The following CAST variants were observed in gnomAD, a reference collection of about 807,000 sequenced individuals.
CAST encodes the protein calpastatin.
Under a neutral mutation model 119.6 loss-of-function variants are expected in CAST, and 76 were observed. That is an observed-to-expected ratio of 0.64 (90% CI 0.53 to 0.77). The LOEUF (loss-of-function observed/expected upper bound fraction) is 0.77. Ranked by LOEUF, CAST falls within the 30% of genes least tolerant of loss-of-function variation. The probability of loss-of-function intolerance (pLI) is 0.00; values close to 1 mark genes in which losing one functional copy is unlikely to be tolerated. For missense variants in CAST, 953 were observed against 946.5 expected (o/e 1.01, Z -0.09); for synonymous variants, 319 against 331.6 (o/e 0.96, Z 0.41).
At chr5:96,570,148 C>T (rs1387643724) in intron 1 of CAST, among the ~76,000 whole-genome samples, 1 of 152,238 alleles carries the variant, frequency 6.6e-6, no homozygotes, top group Non-Finnish European at 1.5e-5. Flanking sequence ...GTCTGCCTAA[C>T]ATGACAATAA....
chr5:96,276,865 C>T, the CAST span, among the ~76,000 whole-genome samples: 1 of 152,022 alleles, frequency 6.6e-6, no homozygotes, highest in Non-Finnish European at 1.5e-5. Context: ...GGTTTTCATG[C>T]TTTTGTTCTA....
the CAST span, among the ~76,000 whole-genome samples, chr5:96,257,735 A>C: frequency 2.6e-5 from 4 of 152,242 alleles, no homozygotes; most frequent in Non-Finnish European, 5.9e-5. Flanking sequence ...GAACTAAGTG[A>C]TAACACTGCT....
chr5:96,128,389 G>T, the CAST span, among the ~76,000 whole-genome samples: 532 of 152,128 alleles, frequency 3.5e-3, 2 homozygotes, highest in African/African-American at 4.5e-3. Flanking sequence ...TGCACAGTTA[G>T]GTTTTGCTTA....
At chr5:96,494,307 G>A in the CAST span, among the ~76,000 whole-genome samples, 3 of 152,148 alleles carry the variant, frequency 2.0e-5, no homozygotes, top group Non-Finnish European at 4.4e-5. Context: ...AACTTTAAAA[G>A]AGCCAGAATT....
At chr5:96,138,513 C>T in the CAST span, among the ~76,000 whole-genome samples, 1 of 151,892 alleles carries the variant, frequency 6.6e-6, no homozygotes, top group African/African-American at 2.4e-5. Flanking sequence ...AGACGAAATA[C>T]CTTGCTGGGA....
chr5:96,267,834 C>T, the CAST span, among the ~76,000 whole-genome samples: 2 of 152,068 alleles, frequency 1.3e-5, no homozygotes, highest in Non-Finnish European at 2.9e-5. Context: ...TAGTATGAAG[C>T]ATAAAAGATA....
chr5:96,533,034 A>T (rs907610539), intron 1 of CAST, among the ~76,000 whole-genome samples: 7 of 128,818 alleles, frequency 5.4e-5, no homozygotes, highest in African/African-American at 1.4e-4. Context: ...CAAAAAAAAA[A>T]AAATAAAAAT....
At chr5:96,482,077 GC>G in the CAST span, among the ~76,000 whole-genome samples, 1 of 152,036 alleles carries the variant, frequency 6.6e-6, no homozygotes, top group South Asian at 2.1e-4. Flanking sequence ...TAGCTGGCTG[GC>G]CACCCTTATG....
At chr5:96,712,038 C>T (rs1756272499) in intron 3 of CAST, among the ~76,000 whole-genome samples, 1 of 152,140 alleles carries the variant, frequency 6.6e-6, no homozygotes, top group Non-Finnish European at 1.5e-5. Context: ...GACACCCTTA[C>T]CCTATAGGAA....
At position 96,774,411 on chromosome 5, in the gene CAST, A is replaced by C. The variant is rs748061491; in HGVS notation, c.*1795A>C. ...GTGTTTGTTAATAACTAATAACTGGAGTAAGCTACAGGATCTAAAGCAGCC... is the reference window on the plus strand; with the variant it reads ...GTGTTTGTTAATAACTAATAACTGGCGTAAGCTACAGGATCTAAAGCAGCC... On this transcript the variant is annotated 3_prime_UTR_variant, in exon 32 of 32. Coordinates refer to ENST00000675179, the MANE Select transcript of CAST (RefSeq NM_001750.7). The C allele has an allele frequency of 3.4e-6, 2 of 582,996 alleles. No homozygotes were observed. Among genetic ancestry groups the C allele is most frequent in the Non-Finnish European group, 4.3e-6 (2 of 460,322 alleles). 36.1% of individuals were successfully genotyped at this position (582,996 alleles called of 1,614,324 possible).
the CAST span, among the ~76,000 whole-genome samples, chr5:96,193,071 C>T: frequency 6.6e-6 from 1 of 151,922 alleles, no homozygotes; most frequent in Non-Finnish European, 1.5e-5. Context: ...TTAATACATG[C>T]GTTTAATCAG....
chr5:96,395,476 G>A, the CAST span, among the ~76,000 whole-genome samples: 1 of 152,192 alleles, frequency 6.6e-6, no homozygotes, highest in East Asian at 1.9e-4. Flanking sequence ...AAAAGAGTGA[G>A]TTCATGTCCT....
At chr5:96,658,646 A>C (rs1409895042), upstream of CAST, among the ~76,000 whole-genome samples, 1 of 152,258 alleles carries the variant, frequency 6.6e-6, no homozygotes, top group African/African-American at 2.4e-5. Flanking sequence ...ATGCAATTTA[A>C]TAATTGCAAC....
the CAST span, among the ~76,000 whole-genome samples, chr5:96,492,388 A>G: frequency 6.6e-6 from 1 of 152,192 alleles, no homozygotes; most frequent in Non-Finnish European, 1.5e-5. Flanking sequence ...CTAGTTTTGT[A>G]TGTTTTACAT....
At chr5:96,700,521 G>A (rs1302279634) in intron 3 of CAST, among the ~76,000 whole-genome samples, 2 of 152,174 alleles carry the variant, frequency 1.3e-5, no homozygotes, top group Non-Finnish European at 2.9e-5. Context: ...AGGAAGTCCA[G>A]GATGAGGCTG....
At chr5:96,310,769 T>G in the CAST span, among the ~76,000 whole-genome samples, 1 of 151,666 alleles carries the variant, frequency 6.6e-6, no homozygotes, top group South Asian at 2.1e-4. Context: ...AGTCATAATA[T>G]CTCCTCTTTC....
chr5:96,620,195 G>A (rs987913580), intron 1 of CAST, among the ~76,000 whole-genome samples: 6 of 151,996 alleles, frequency 3.9e-5, no homozygotes, highest in Non-Finnish European at 8.8e-5. Context: ...CCTGTAGGGC[G>A]ACAATCATAT....
intron 8 of CAST, among the ~76,000 whole-genome samples, chr5:96,729,998 G>A (rs962290932): frequency 3.3e-5 from 5 of 150,818 alleles, no homozygotes; most frequent in African/African-American, 1.2e-4. Context: ...GTGACTGCAG[G>A]GCAGCAGGCT....
the CAST span, among the ~76,000 whole-genome samples, chr5:96,403,684 G>C: frequency 1.6e-4 from 25 of 152,296 alleles, no homozygotes; most frequent in Non-Finnish European, 2.6e-4. Flanking sequence ...AAGAGATGTA[G>C]GTAATGTAAT....
Sources: gnomAD v4.1 joint callset for allele counts (sites outside exome capture counted in the v4.1 genomes callset) on GRCh38, gnomAD v4.1.1 for gene constraint, MANE v1.5 for transcripts, NCBI Gene and HGNC (gene_info 2026-07-23, HGNC 2026-07-21) for gene names.